Variants in SERPINA3 observed in about 807,000 individuals in gnomAD.
SERPINA3 encodes alpha-1-antichymotrypsin.
In SERPINA3, 32 loss-of-function variants were observed where a neutral mutation model predicts 26.8. That is an observed-to-expected ratio of 1.20 (90% confidence interval 0.90 to 1.61). The LOEUF is 1.61. Among genes scored for constraint, SERPINA3 ranks in the 40% most tolerant of loss-of-function variants. The pLI, the probability that SERPINA3 is intolerant of heterozygous loss-of-function variation, is 0.00. For missense variants in SERPINA3, 632 were observed against 517.9 expected (o/e 1.22, Z -2.14); for synonymous variants, 252 against 206.4 (o/e 1.22, Z -1.89).
At chr14:94,617,286 T>C (rs930526140) in intron 2 of SERPINA3, among the ~76,000 whole-genome samples, 12 of 152,078 alleles carry the variant, frequency 7.9e-5, no homozygotes, top group African/African-American at 1.7e-4. Flanking sequence ...TCATTCCATG[T>C]TGGGAGGCTG....
chr14:94,616,769 G>C (rs1886019948), intron 2 of SERPINA3, among the ~76,000 whole-genome samples: 1 of 152,172 alleles, frequency 6.6e-6, no homozygotes, highest in Admixed American at 6.5e-5. Flanking sequence ...CGTTACAGCA[G>C]AGAGAAAGTT....
At position 94,623,766 on chromosome 14, in the gene SERPINA3, C is replaced by T. The variant is rs567694214; in HGVS notation, c.1224C>T (p.Thr408=). The T allele has an allele frequency of 3.2e-5, 52 of 1,614,110 alleles. No individual in the cohort carries two copies. The South Asian group carries it at 5.6e-4, about 17-fold the overall frequency. ...PFLMIIVPTD[T]QNIFFMSKVT... ...TGATGATCATTGTCCCTACAGACAC[C>T]CAGAACATCTTCTTCATGAGCAAAG... Residue 408 remains threonine (T), a synonymous_variant, in exon 5 of 5, where the codon ACC becomes ACT. Transcript: ENST00000393078.
In SERPINA3 at chr14:94,619,385, C is replaced by A; in HGVS notation, c.834C>A (p.Leu278=). Residue 278 remains leucine, a synonymous_variant, in exon 3 of 5, where the codon CTC becomes CTA. Coordinates refer to ENST00000393078, the MANE Select transcript of SERPINA3 (RefSeq NM_001085.5). ...YTGNASALFI[L]PDQDKMEEVE... ...GCAATGCCAGCGCACTCTTCATCCT[C>A]CCTGATCAAGACAAGATGGAGGAAG... 1 of 1,614,148 alleles carries A rather than the reference C, an allele frequency of 6.2e-7. No individual in the cohort carries two copies. Among genetic ancestry groups the A allele is most frequent in the Non-Finnish European group, 8.5e-7 (1 of 1,179,996 alleles).
At position 94,622,384 on chromosome 14, in the gene SERPINA3, G is replaced by A. The variant is rs778637464; in HGVS notation, c.961G>A (p.Asp321Asn). The A allele has an allele frequency of 8.7e-6, 14 of 1,614,058 alleles. No individual in the cohort carries two copies. Among genetic ancestry groups the A allele is most frequent in the African/African-American group, 1.3e-5 (1 of 74,984 alleles). ...LYLPKFSISRDYNLNDILLQL... is the reference protein window; with the variant it reads ...LYLPKFSISRNYNLNDILLQL... ...CCTGCCAAAGTTTTCCATCTCGAGG[G>A]ACTATAACCTGAACGACATACTTCT... Residue 321 changes from aspartate (D) to asparagine (N), a missense_variant, in exon 4 of 5, where the codon GAC becomes AAC. Coordinates refer to ENST00000393078, the MANE Select transcript of SERPINA3 (RefSeq NM_001085.5).
intron 4 of SERPINA3, chr14:94,622,876 A>T: frequency 3.1e-6 from 1 of 325,916 alleles, no homozygotes; most frequent in Non-Finnish European, 5.9e-6. Flanking sequence ...GCCAATAGGT[A>T]ATAACAATGA....
intron 3 of SERPINA3, chr14:94,619,758 T>C: frequency 2.1e-6 from 1 of 485,822 alleles, no homozygotes; most frequent in South Asian, 2.1e-5. Flanking sequence ...TCTCCTGGTC[T>C]CAATCTCTTG....
chr14:94,617,233 G>T (rs1443053956), intron 2 of SERPINA3, among the ~76,000 whole-genome samples: 1 of 152,174 alleles, frequency 6.6e-6, no homozygotes, highest in South Asian at 2.1e-4. Flanking sequence ...CCCTGAGATG[G>T]GTCCTTTCTC....
chr14:94,614,376 G>A (rs1229693988), intron 1 of SERPINA3, 58 bp from the exon 2 acceptor site: 19 of 1,547,744 alleles, frequency 1.2e-5, no homozygotes, highest in Non-Finnish European at 1.6e-5. Context: ...GGAGGGCAGT[G>A]GGAGGTGGTC....
chr14:94,618,849 G>A (rs1886090878), intron 2 of SERPINA3: 2 of 432,756 alleles, frequency 4.6e-6, no homozygotes, highest in Admixed American at 3.5e-5. Context: ...ATGGAACAAA[G>A]GCTGTCCCAT....
intron 1 of SERPINA3, among the ~76,000 whole-genome samples, chr14:94,613,020 T>C (rs2139950903): frequency 6.6e-6 from 1 of 152,310 alleles, no homozygotes; most frequent in African/African-American, 2.4e-5. Context: ...AGACAAGCCT[T>C]TGCCCCTGAA....
chr14:94,622,208 G>T lies in SERPINA3; in HGVS notation c.918-133G>T, dbSNP rs114975342. 1.4e-3 allele frequency: 1,120 copies of T among 815,730 alleles called. 9 individuals are homozygous for T. The African/African-American group carries it at 0.017, about 13-fold the overall frequency. 50.5% of individuals were successfully genotyped at this position (815,730 alleles called of 1,614,324 possible). ...GTAAAGACAGGGGTTAAGAAATTGA[G>T]GAACAGATTATTTATTTTCCAATCA... On this transcript the variant is annotated intron_variant, in intron 3 of 4. Transcript: ENST00000393078.
chr14:94,615,187 C>A, intron 2 of SERPINA3, 103 bp downstream of exon 2: 2 of 1,287,530 alleles, frequency 1.6e-6, no homozygotes, highest in Non-Finnish European at 1.1e-6. Flanking sequence ...GAGGAGAGTG[C>A]CCACAGCATG....
Position 94,614,420 on chromosome 14 carries a change from G to A in SERPINA3, c.-8-14G>A. ...ATCTGGCCCTCTGAGACTTAAAGGAGCTTTGCTTTTCAGAGTTGAGAATGG... is the reference window on the plus strand; with the variant it reads ...ATCTGGCCCTCTGAGACTTAAAGGAACTTTGCTTTTCAGAGTTGAGAATGG... On this transcript the variant is annotated splice_polypyrimidine_tract_variant and intron_variant, in intron 1 of 4. Transcript: ENST00000393078. The A allele has an allele frequency of 1.1e-5, 17 of 1,611,308 alleles. No individual in the cohort carries two copies. The highest frequency in any genetic ancestry group is 1.4e-5 in the Non-Finnish European group (16 of 1,179,918).
chr14:94,617,474 A>G (rs191323515), intron 2 of SERPINA3, among the ~76,000 whole-genome samples: 15 of 152,290 alleles, frequency 9.8e-5, no homozygotes, highest in Admixed American at 5.2e-4. Flanking sequence ...AAACCAAAAT[A>G]AAGAAAGAAA....
chr14:94,613,234 C>G (rs1000683967), intron 1 of SERPINA3: 1 of 150,708 alleles, frequency 6.6e-6, no homozygotes, highest in Non-Finnish European at 1.5e-5. Flanking sequence ...ACTCTCTCTT[C>G]CCCTTTTCTT....
Position 94,623,902 on chromosome 14 carries a change from G to A in SERPINA3, c.*88G>A. 2 of 1,144,880 alleles carry A rather than the reference G, an allele frequency of 1.7e-6. No homozygotes were observed. Among genetic ancestry groups the A allele is most frequent in the Middle Eastern group, 2.0e-4 (1 of 5,068 alleles). The allele number at this position is 1,144,880 out of a possible 1,614,324, so 70.9% of individuals were successfully genotyped here. A position where few individuals can be genotyped will look rare whatever the true frequency, so the allele number is the denominator to read the frequency against. The stretch of plus-strand genomic sequence containing the variant: ...TCTCTGGGCACAGCCTGGCCCCTGT[G>A]CACCGAGTGGCCATGGCATGTGTGG... On this transcript the variant is annotated 3_prime_UTR_variant, in exon 5 of 5. Transcript: ENST00000393078.
chr14:94,622,382 G>C lies in SERPINA3; in HGVS notation c.959G>C (p.Arg320Thr). 1 of 1,614,050 alleles carries C rather than the reference G, an allele frequency of 6.2e-7. No homozygotes were observed. Among genetic ancestry groups the C allele is most frequent in the Non-Finnish European group, 8.5e-7 (1 of 1,180,022 alleles). Residue 320 changes from arginine (R) to threonine (T), a missense_variant, in exon 4 of 5, where the codon AGG (arginine) becomes ACG (threonine). By Grantham distance (71) the Arg-to-Thr change is moderately conservative. Transcript: ENST00000393078. ...ELYLPKFSIS[R>T]DYNLNDILLQ... is the part of the protein sequence containing the mutation. ...TACCTGCCAAAGTTTTCCATCTCGA[G>C]GGACTATAACCTGAACGACATACTT...
At chr14:94,615,151 A>G in intron 2 of SERPINA3, 67 bp downstream of exon 2, 2 of 1,568,014 alleles carry the variant, frequency 1.3e-6, no homozygotes, top group Non-Finnish European at 1.7e-6. Flanking sequence ...TGACTCAACA[A>G]TGGTGTTATT....
intron 2 of SERPINA3, 120 bp from the exon 3 acceptor site, chr14:94,619,075 C>T (rs572907933): frequency 8.4e-7 from 1 of 1,187,514 alleles, no homozygotes. Context: ...AGCTACTTCT[C>T]TAAACCAAAG....
Sources: allele counts gnomAD v4.1 joint callset (sites outside exome capture counted in the v4.1 genomes callset), GRCh38; gene constraint gnomAD v4.1.1; transcripts MANE v1.5; gene names NCBI Gene and HGNC (gene_info 2026-07-23, HGNC 2026-07-21).